The following SPTSSA variants were observed in gnomAD, a reference collection of about 807,000 sequenced individuals.
The protein encoded by SPTSSA is small subunit of serine palmitoyltransferase A.
SPTSSA carries 8 observed loss-of-function variants against 9.1 expected under a neutral mutation model. The observed-to-expected ratio is 0.88, with a 90% CI of 0.51 to 1.58. SPTSSA has a LOEUF of 1.58. Among genes scored for constraint, SPTSSA ranks in the 40% most tolerant of loss-of-function variants. The probability of loss-of-function intolerance (pLI) is 0.00; values close to 1 mark genes in which losing one functional copy is unlikely to be tolerated. For missense variants in SPTSSA, 100 were observed against 93.8 expected (o/e 1.07, Z -0.27); for synonymous variants, 42 against 37.7 (o/e 1.11, Z -0.41).
chr14:34,447,138 C>T (rs1220828385), intron 1 of SPTSSA, among the ~76,000 whole-genome samples: 2 of 147,884 alleles, frequency 1.4e-5, no homozygotes, highest in African/African-American at 2.5e-5. Flanking sequence ...GCAGGAGAAT[C>T]GCTTAAATCT....
At chr14:34,447,522 A>G (rs936083316) in intron 1 of SPTSSA, among the ~76,000 whole-genome samples, 1 of 152,208 alleles carries the variant, frequency 6.6e-6, no homozygotes, top group Non-Finnish European at 1.5e-5. Context: ...GACTTAACCT[A>G]TAAATGATGT....
chr14:34,450,582 G>T (rs909935118), intron 1 of SPTSSA, among the ~76,000 whole-genome samples: 2 of 151,108 alleles, frequency 1.3e-5, no homozygotes. Context: ...TCTAGAGGGG[G>T]TTCCATGACT....
intron 1 of SPTSSA, among the ~76,000 whole-genome samples, chr14:34,451,868 T>C (rs544773810): frequency 6.6e-6 from 1 of 152,098 alleles, no homozygotes; most frequent in African/African-American, 2.4e-5. Context: ...TGAAAAGCAA[T>C]CAAAGCCCTA....
At chr14:34,441,863 T>A (rs1415487572) in intron 1 of SPTSSA, among the ~76,000 whole-genome samples, 1 of 152,050 alleles carries the variant, frequency 6.6e-6, no homozygotes, top group Non-Finnish European at 1.5e-5. Context: ...TTTTTCAGTC[T>A]TTCAGCGGCT....
At chr14:34,457,088 C>T (rs1455524641) in intron 1 of SPTSSA, among the ~76,000 whole-genome samples, 1 of 151,388 alleles carries the variant, frequency 6.6e-6, no homozygotes, top group African/African-American at 2.4e-5. Context: ...AAGCAATTCT[C>T]CTGCCTCAGC....
At chr14:34,445,692 T>C (rs528845248) in intron 1 of SPTSSA, among the ~76,000 whole-genome samples, 15 of 152,298 alleles carry the variant, frequency 9.8e-5, no homozygotes, top group African/African-American at 3.6e-4. Flanking sequence ...TTATTTGACA[T>C]GTTTACATAC....
At chr14:34,446,559 A>C (rs1375034130) in intron 1 of SPTSSA, among the ~76,000 whole-genome samples, 1 of 152,220 alleles carries the variant, frequency 6.6e-6, no homozygotes, top group African/African-American at 2.4e-5. Flanking sequence ...TTAATGGTAT[A>C]TACATTGCCT....
chr14:34,440,883 CAA>C (rs369501743), intron 1 of SPTSSA, among the ~76,000 whole-genome samples: 2 of 133,186 alleles, frequency 1.5e-5, no homozygotes, highest in Non-Finnish European at 1.6e-5. Context: ...ATCCATCTCA[CAA>C]AAAAAAAAAA....
chr14:34,446,506 C>T (rs115663194), intron 1 of SPTSSA, among the ~76,000 whole-genome samples: 1,900 of 152,250 alleles, frequency 0.012, 43 homozygotes, highest in African/African-American at 0.043. Flanking sequence ...TAATCTTATA[C>T]TTTGACAGAT....
chr14:34,447,389 G>C (rs78055516), intron 1 of SPTSSA, among the ~76,000 whole-genome samples: 1 of 151,868 alleles, frequency 6.6e-6, no homozygotes, highest in Non-Finnish European at 1.5e-5. Context: ...CATAATAATC[G>C]TCTCCCTGGA....
chr14:34,434,267 G>A lies in SPTSSA; in HGVS notation c.*934C>T, dbSNP rs970137665. On this transcript the variant is annotated 3_prime_UTR_variant, in exon 2 of 2. Transcript: ENST00000298130. The stretch of plus-strand genomic sequence containing the variant: ...AAAAAAAACAATACAAAGAGTGAAA[G>A]GATTTTAACCAAGTTTACATTTCTT... 6.6e-6 allele frequency: 1 copy of A among 152,272 alleles called. No homozygotes were observed. Among genetic ancestry groups the A allele is most frequent in the African/African-American group, 2.4e-5 (1 of 41,318 alleles). 9.4% of individuals were successfully genotyped at this position (152,272 alleles called of 1,614,324 possible).
chr14:34,457,982 A>AC (rs1878519449), intron 1 of SPTSSA, among the ~76,000 whole-genome samples: 3 of 149,466 alleles, frequency 2.0e-5, no homozygotes, highest in South Asian at 4.2e-4. Flanking sequence ...AAAAAAAAAA[A>AC]AAAAAAAACA....
intron 1 of SPTSSA, among the ~76,000 whole-genome samples, chr14:34,450,688 T>TA: frequency 6.6e-6 from 1 of 152,320 alleles, no homozygotes; most frequent in East Asian, 1.9e-4. Context: ...CACTGACTTT[T>TA]AAGTGTTTGA....
intron 1 of SPTSSA, among the ~76,000 whole-genome samples, chr14:34,441,688 T>C (rs1209073516): frequency 1.3e-5 from 2 of 151,992 alleles, no homozygotes; most frequent in East Asian, 1.9e-4. Context: ...TCTCTTTTCC[T>C]TTCCCACCCA....
chr14:34,451,579 C>T (rs1037955468), intron 1 of SPTSSA, among the ~76,000 whole-genome samples: 2 of 151,890 alleles, frequency 1.3e-5, no homozygotes, highest in Non-Finnish European at 2.9e-5. Flanking sequence ...AAAAATTAGC[C>T]GGGCGCGGTG....
rs762712253 is a variant in SPTSSA, at chr14:34,462,107, C to G, written c.101G>C (p.Arg34Pro). The change falls in exon 1 of 2, where the codon CGG becomes CCG. Residue 34 changes from arginine (R) to proline (P), a missense_variant. By Grantham distance (103) the Arg-to-Pro change is moderately radical. Coordinates refer to ENST00000298130, the MANE Select transcript of SPTSSA (RefSeq NM_138288.4). ...TALYMLEPWE[R>P]TVFNSMLVSI... ...CCGGGACAGGATACTGAACACCGTC[C>G]GCTCCCAGGGCTCCAGCATGTAGAG... is the stretch of plus-strand genomic sequence containing the variant. The G allele has an allele frequency of 6.6e-7, 1 of 1,511,582 alleles. No homozygotes were observed. Among genetic ancestry groups the G allele is most frequent in the Admixed American group, 2.0e-5 (1 of 51,098 alleles). 93.6% of individuals were successfully genotyped at this position (1,511,582 alleles called of 1,614,324 possible).
At chr14:34,451,709 C>T (rs1883529058) in intron 1 of SPTSSA, among the ~76,000 whole-genome samples, 1 of 130,962 alleles carries the variant, frequency 7.6e-6, no homozygotes, top group South Asian at 2.4e-4. Context: ...CAGAACGAGA[C>T]TCTGTTTCAA....
chr14:34,442,983 T>TGTGTGTGA (rs750212266), intron 1 of SPTSSA, among the ~76,000 whole-genome samples: 343 of 148,446 alleles, frequency 2.3e-3, no homozygotes, highest in Middle Eastern at 3.5e-3. Flanking sequence ...TGTGTGTGTG[T>TGTGTGTGA]GAGATGGAGT....
Position 34,438,097 on chromosome 14 carries a change from C to T in SPTSSA, c.113-2793G>A, listed in dbSNP as rs114476334. Among the ~76,000 whole-genome samples, 236 of 152,228 alleles carry T rather than the reference C, an allele frequency of 1.6e-3. 1 individual carries two copies. Among genetic ancestry groups the T allele is most frequent in the African/African-American group, 4.8e-3 (200 of 41,554 alleles). ...AGATTACAGGTGTGAGCCACCACGC[C>T]GAGCTGGCCAATCCCCTTTACTCTT... On this transcript the variant is annotated intron_variant, in intron 1 of 1. Coordinates refer to ENST00000298130, the MANE Select transcript of SPTSSA (RefSeq NM_138288.4).
Sources: allele counts gnomAD v4.1 joint callset (sites outside exome capture counted in the v4.1 genomes callset), GRCh38; gene constraint gnomAD v4.1.1; transcripts MANE v1.5; gene names NCBI Gene and HGNC (gene_info 2026-07-23, HGNC 2026-07-21).